The following NFKBIZ variants were observed in gnomAD, a reference collection of about 807,000 sequenced individuals.
NFKBIZ encodes the protein NF-kappa-B inhibitor zeta.
NFKBIZ carries 19 observed loss-of-function variants against 76.8 expected under a neutral mutation model. The observed-to-expected ratio is 0.25, with a 90% CI of 0.17 to 0.36. The LOEUF is 0.36. Among genes scored for constraint, NFKBIZ ranks in the 10% least tolerant of loss-of-function variants. The pLI is 1.00. For missense variants in NFKBIZ, 829 were observed against 910.9 expected, an observed-to-expected ratio of 0.91 and a Z score of 1.16; for synonymous variants, 368 against 354.8, an observed-to-expected ratio of 1.04 and a Z score of -0.42.
At position 101,857,426 on chromosome 3, in the gene NFKBIZ, G is replaced by A. The variant is rs1232782372; in HGVS notation, c.2070G>A (p.Val690=). The change falls in exon 11 of 12, where the codon GTG becomes GTA. Residue 690 remains valine, a synonymous_variant. Transcript: ENST00000326172. The part of the protein sequence containing the change: ...STRNLENEQP[V]HLVPDGPVGE... ...GGAACTTGGAGAACGAACAGCCAGT[G>A]CATTTGGTTCCCGATGGCCCTGTGG... 8.1e-6 allele frequency: 13 copies of A among 1,614,216 alleles called. No individual in the cohort carries two copies. The highest frequency in any genetic ancestry group is 1.1e-5 in the Non-Finnish European group (13 of 1,180,048).
upstream of NFKBIZ, among the ~76,000 whole-genome samples, chr3:101,847,460 C>T (rs1409590989): frequency 2.6e-5 from 4 of 152,206 alleles, no homozygotes; most frequent in South Asian, 2.1e-4. Flanking sequence ...CATTGCTTAA[C>T]GATGCTACAT....
chr3:101,852,834 G>A (rs1204191605), intron 3 of NFKBIZ, 52 bp from the exon 4 acceptor site: 2 of 1,600,386 alleles, frequency 1.2e-6, no homozygotes, highest in Non-Finnish European at 1.7e-6. Context: ...GTAATTATGG[G>A]TAACATTTAT....
chr3:101,853,141 C>T lies in NFKBIZ; in HGVS notation c.615C>T (p.Leu205=). ...GGGAGAGCATGGAAGATGTTCATCT[C>T]AATGAACCCAAACAGGAGAGCAGTG... is the stretch of plus-strand genomic sequence containing the variant. The part of the protein sequence containing the change: ...TPGESMEDVH[L]NEPKQESSAD... The change falls in exon 5 of 12, where the codon CTC becomes CTT. Residue 205 remains leucine (L), a synonymous_variant. Coordinates refer to ENST00000326172, the MANE Select transcript of NFKBIZ (RefSeq NM_031419.4). The T allele has an allele frequency of 6.2e-7, 1 of 1,614,166 alleles. No individual in the cohort carries two copies. The highest frequency in any genetic ancestry group is 8.5e-7 in the Non-Finnish European group (1 of 1,180,012).
chr3:101,854,551 AC>A (rs1258261143), intron 5 of NFKBIZ, 26 bp from the exon 6 acceptor site: 1 of 1,437,032 alleles, frequency 7.0e-7, no homozygotes, highest in South Asian at 1.2e-5. Context: ...GAAGTGATTC[AC>A]CCGCTTTCCT....
At chr3:101,828,137 T>C (rs949830801) in exon 1 of NFKBIZ, 1 of 152,228 alleles carries the variant, frequency 6.6e-6, no homozygotes, top group African/African-American at 2.4e-5. Flanking sequence ...CTGGAAACAA[T>C]TGATTTGCTC....
Position 101,849,661 on chromosome 3 carries a change from C to A in NFKBIZ, c.33C>A (p.Arg11=). Reference sequence around the variant, plus strand: ...TGGACAAGCTGCTGGACGACAGCCGCGGCGGAGAGGGGCTGCGGGACGCGG... The same window carrying A: ...TGGACAAGCTGCTGGACGACAGCCGAGGCGGAGAGGGGCTGCGGGACGCGG... MIVDKLLDDS[R]GGEGLRDAAG... The change falls in exon 1 of 12, where the codon CGC becomes CGA. Residue 11 remains arginine, a synonymous_variant. Transcript: ENST00000326172. The A allele has an allele frequency of 7.1e-7, 1 of 1,399,284 alleles. No homozygotes were observed. Among genetic ancestry groups the A allele is most frequent in the East Asian group, 2.9e-5 (1 of 34,920 alleles). The allele number at this position is 1,399,284 out of a possible 1,614,324, so 86.7% of individuals were successfully genotyped here. A position where few individuals can be genotyped will look rare whatever the true frequency, so the allele number is the denominator to read the frequency against.
upstream of NFKBIZ, among the ~76,000 whole-genome samples, chr3:101,847,998 C>T (rs1328616522): frequency 6.6e-6 from 1 of 152,328 alleles, no homozygotes; most frequent in East Asian, 1.9e-4. Context: ...TCCAAAAGAG[C>T]GAGACCTGTG....
At chr3:101,853,989 G>A (rs1943009957) in intron 5 of NFKBIZ, 126 bp downstream of exon 5, 1 of 893,180 alleles carries the variant, frequency 1.1e-6, no homozygotes, top group Non-Finnish European at 1.7e-6. Context: ...AAGATGACTG[G>A]TGTAGATAGA....
intron 2 of NFKBIZ, among the ~76,000 whole-genome samples, chr3:101,834,282 TCCCTG>T (rs919623519): frequency 8.5e-5 from 13 of 152,204 alleles, no homozygotes; most frequent in East Asian, 1.9e-4. Flanking sequence ...ATCTCTCTTT[TCCCTG>T]CCCTGCCCTG....
At chr3:101,856,480 T>C (rs1373576484) in intron 9 of NFKBIZ, among the ~76,000 whole-genome samples, 2 of 152,248 alleles carry the variant, frequency 1.3e-5, no homozygotes, top group African/African-American at 4.8e-5. Context: ...TGCTTGAAAT[T>C]GATATTGTCA....
chr3:101,854,864 T>C (rs1262691879), intron 6 of NFKBIZ, among the ~76,000 whole-genome samples, 181 bp downstream of exon 6: 1 of 152,140 alleles, frequency 6.6e-6, no homozygotes, highest in Non-Finnish European at 1.5e-5. Flanking sequence ...ACTTTGTAGC[T>C]GTTTGACCAA....
Position 101,849,581 on chromosome 3 carries a change from G to C in NFKBIZ, c.-48G>C. 2 of 1,296,008 alleles carry C rather than the reference G, an allele frequency of 1.5e-6. No homozygotes were observed. The highest frequency in any genetic ancestry group is 2.0e-6 in the Non-Finnish European group (2 of 1,023,840). 80.3% of individuals were successfully genotyped at this position (1,296,008 alleles called of 1,614,324 possible). On this transcript the variant is annotated 5_prime_UTR_variant, in exon 1 of 12. Coordinates refer to ENST00000326172, the MANE Select transcript of NFKBIZ (RefSeq NM_031419.4). ...AGCCCGGGAGGCAGCCGCGCGCAGC[G>C]AGCCGGTGGCGCAGGTGTCGGGGTC...
intron 1 of NFKBIZ, among the ~76,000 whole-genome samples, chr3:101,850,901 G>T (rs1026714716): frequency 6.6e-6 from 1 of 152,210 alleles, no homozygotes; most frequent in Non-Finnish European, 1.5e-5. Flanking sequence ...GCCTTCATCT[G>T]GCTGAAACTG....
intron 8 of NFKBIZ, 117 bp from the exon 9 acceptor site, chr3:101,855,616 T>A: frequency 7.8e-7 from 1 of 1,276,862 alleles, no homozygotes; most frequent in Non-Finnish European, 1.1e-6. Context: ...CCTTACTAGT[T>A]CTTGTGGAGC....
At position 101,839,141 on chromosome 3, in the gene NFKBIZ, G is replaced by C. The variant is rs151281562; in HGVS notation, c.-12+9453G>C. On this transcript the variant is annotated intron_variant, in intron 2 of 12. Transcript: ENST00000394054. ...ATATTTTTATAACTAGTCTTTCTGT[G>C]TGGCACACACTACTGTCCTTGTTTA... is the stretch of plus-strand genomic sequence containing the variant. Among the ~76,000 whole-genome samples the C allele has an allele frequency of 3.6e-3, 551 of 152,028 alleles. 4 individuals carry two copies. Among genetic ancestry groups the C allele is most frequent in the African/African-American group, 0.012 (488 of 41,448 alleles).
intron 2 of NFKBIZ, among the ~76,000 whole-genome samples, chr3:101,834,137 G>C (rs1942683209): frequency 6.6e-6 from 1 of 152,108 alleles, no homozygotes; most frequent in African/African-American, 2.4e-5. Context: ...AGTGGCAGGA[G>C]CAGTGCAGGG....
At chr3:101,854,361 A>G (rs770815617) in intron 5 of NFKBIZ, among the ~76,000 whole-genome samples, 2 of 152,174 alleles carry the variant, frequency 1.3e-5, no homozygotes, top group Non-Finnish European at 2.9e-5. Flanking sequence ...GGTGCTTGAC[A>G]TTCTTCTTTT....
chr3:101,838,306 T>C (rs186867983), intron 2 of NFKBIZ, among the ~76,000 whole-genome samples: 8 of 152,326 alleles, frequency 5.3e-5, no homozygotes, highest in African/African-American at 1.9e-4. Context: ...AGTATCTCAA[T>C]TTATAGGCAA....
chr3:101,852,358 C>T (rs1942977578), intron 2 of NFKBIZ, 134 bp downstream of exon 2: 1 of 1,114,370 alleles, frequency 9.0e-7, no homozygotes, highest in Non-Finnish European at 1.3e-6. Flanking sequence ...GTCCATAGGA[C>T]AGAGACCATA....
Sources: gnomAD v4.1 joint callset for allele counts (sites outside exome capture counted in the v4.1 genomes callset) on GRCh38, gnomAD v4.1.1 for gene constraint, MANE v1.5 for transcripts, NCBI Gene and HGNC (gene_info 2026-07-23, HGNC 2026-07-21) for gene names.